The following CSMD1 variants were observed in gnomAD, a reference collection of about 807,000 sequenced individuals.
CSMD1 encodes CUB and sushi domain-containing protein 1.
Under a neutral mutation model 417.5 loss-of-function variants are expected in CSMD1, and 213 were observed. That is an observed-to-expected ratio of 0.51 (90% CI 0.46 to 0.57). CSMD1 has a LOEUF of 0.57. CSMD1 is among the 20% of genes least tolerant of loss of function. CSMD1 has a pLI of 0.00. For synonymous variants in CSMD1, 2,862 were observed against 1,736.8 expected (o/e 1.65, Z -16.11); for missense variants, 6,923 against 4,529.7 (o/e 1.53, Z -15.17).
chr8:3,754,510 A>G (rs1013849941), intron 5 of CSMD1, among the ~76,000 whole-genome samples: 5 of 152,046 alleles, frequency 3.3e-5, no homozygotes, highest in African/African-American at 9.7e-5. Context: ...GCTGGAGGGC[A>G]GTGGTGCGAT....
rs1816433511 is a variant in CSMD1, at chr8:3,110,408, C to A, written c.6431-73G>T. ...AGAGTAGAAAGCTAAATATTTGACT[C>A]CAAAGTACCTTAGCCAACATTTTTC... On this transcript the variant is annotated intron_variant, in intron 42 of 69. Coordinates refer to ENST00000635120, the MANE Select transcript of CSMD1 (RefSeq NM_033225.6). 3.9e-6 allele frequency: 5 copies of A among 1,272,192 alleles called. No individual in the cohort carries two copies. In the East Asian group the frequency reaches 8.1e-5, roughly 21 times the overall value. The allele number at this position is 1,272,192 out of a possible 1,614,324, so 78.8% of individuals were successfully genotyped here. A position where few individuals can be genotyped will look rare whatever the true frequency, so the allele number is the denominator to read the frequency against.
chr8:4,219,464 A>T (rs1483647318), intron 3 of CSMD1, among the ~76,000 whole-genome samples: 2 of 152,140 alleles, frequency 1.3e-5, no homozygotes, highest in Non-Finnish European at 2.9e-5. Flanking sequence ...CTCTCTCTTG[A>T]ACTCTAGTCC....
intron 1 of CSMD1, among the ~76,000 whole-genome samples, chr8:4,757,340 G>A (rs1811730288): frequency 6.6e-6 from 1 of 152,144 alleles, no homozygotes; most frequent in Non-Finnish European, 1.5e-5. Context: ...TTTCTCCTGT[G>A]TGCTAGCTAG....
At chr8:3,318,252 A>G (rs1805910745) in intron 23 of CSMD1, among the ~76,000 whole-genome samples, 1 of 152,182 alleles carries the variant, frequency 6.6e-6, no homozygotes, top group Non-Finnish European at 1.5e-5. Context: ...CTTTTGTTCC[A>G]ATTTTTTAAT....
intron 1 of CSMD1, among the ~76,000 whole-genome samples, chr8:4,756,730 G>A (rs1280840141): frequency 6.6e-6 from 1 of 152,180 alleles, no homozygotes; most frequent in Non-Finnish European, 1.5e-5. Context: ...TGGAGTTACA[G>A]GAAACAGGTA....
chr8:3,153,257 G>T (rs75128324), intron 39 of CSMD1, among the ~76,000 whole-genome samples: 3 of 152,120 alleles, frequency 2.0e-5, no homozygotes, highest in Non-Finnish European at 2.9e-5. Flanking sequence ...ACCCTCTATG[G>T]TCTAAAAAGG....
chr8:4,571,726 G>C (rs552931376), intron 2 of CSMD1, among the ~76,000 whole-genome samples: 2 of 152,118 alleles, frequency 1.3e-5, no homozygotes, highest in Non-Finnish European at 2.9e-5. Context: ...TTGACAGTGG[G>C]TGTTAAACTC....
chr8:4,968,713 G>A (rs1428207188), intron 1 of CSMD1, among the ~76,000 whole-genome samples: 1 of 152,082 alleles, frequency 6.6e-6, no homozygotes, highest in Non-Finnish European at 1.5e-5. Context: ...ACCAGTGGCA[G>A]CAGATAAACG....
intron 11 of CSMD1, among the ~76,000 whole-genome samples, chr8:3,469,849 C>A (rs1816984817): frequency 1.3e-5 from 2 of 152,202 alleles, no homozygotes; most frequent in South Asian, 4.1e-4. Flanking sequence ...GAAACTATTT[C>A]TGTGAATGCT....
At chr8:4,899,087 G>A (rs7816996) in intron 1 of CSMD1, among the ~76,000 whole-genome samples, 52,436 of 152,072 alleles carry the variant, frequency 0.34, 10,274 homozygotes, top group African/African-American at 0.54. Flanking sequence ...TGATTTAAGT[G>A]TGATCTGTTA....
chr8:3,613,154 A>T (rs2117147660), intron 8 of CSMD1: 1 of 175,180 alleles, frequency 5.7e-6, no homozygotes, highest in African/African-American at 2.4e-5. Flanking sequence ...AACAAATTTG[A>T]CAACTTAGAT....
chr8:4,179,898 G>T (rs574142433), intron 3 of CSMD1, among the ~76,000 whole-genome samples: 2 of 152,162 alleles, frequency 1.3e-5, no homozygotes, highest in South Asian at 2.1e-4. Flanking sequence ...ACACCAGTTA[G>T]AATGGCGATC....
intron 3 of CSMD1, among the ~76,000 whole-genome samples, chr8:4,085,554 C>G (rs1365738071): frequency 6.6e-6 from 1 of 152,068 alleles, no homozygotes; most frequent in Non-Finnish European, 1.5e-5. Context: ...ATAAGCTGGA[C>G]AAGCCTAGGA....
chr8:4,066,007 C>T (rs112795084), intron 3 of CSMD1, among the ~76,000 whole-genome samples: 5 of 152,186 alleles, frequency 3.3e-5, no homozygotes, highest in African/African-American at 7.2e-5. Context: ...CCCTTCTCCA[C>T]GAATATCCTT....
At chr8:4,966,064 CGAATT>C (rs1179007029) in intron 1 of CSMD1, among the ~76,000 whole-genome samples, 1 of 151,810 alleles carries the variant, frequency 6.6e-6, no homozygotes, top group African/African-American at 2.4e-5. Context: ...TACCAATACT[CGAATT>C]GAAAGAGTTC....
chr8:4,138,774 A>C (rs1251078004), intron 3 of CSMD1, among the ~76,000 whole-genome samples: 3 of 152,210 alleles, frequency 2.0e-5, no homozygotes, highest in Non-Finnish European at 4.4e-5. Flanking sequence ...TAATTATCAG[A>C]ATACACTATG....
intron 3 of CSMD1, among the ~76,000 whole-genome samples, chr8:4,059,722 A>G (rs1798873822): frequency 6.6e-6 from 1 of 152,036 alleles, no homozygotes; most frequent in Non-Finnish European, 1.5e-5. Context: ...CGACACCTAC[A>G]CTCTCCCAAG....
At chr8:4,122,666 G>A (rs1225682622) in intron 3 of CSMD1, among the ~76,000 whole-genome samples, 1 of 152,166 alleles carries the variant, frequency 6.6e-6, no homozygotes, top group Non-Finnish European at 1.5e-5. Context: ...GCCAGGAAGG[G>A]CAGACCCTCA....
chr8:4,529,377 T>G (rs367791311), intron 2 of CSMD1, among the ~76,000 whole-genome samples: 4 of 152,224 alleles, frequency 2.6e-5, no homozygotes, highest in African/African-American at 9.6e-5. Flanking sequence ...TGCTCAAATG[T>G]AAATCAATAC....
Sources: gnomAD v4.1 joint callset for allele counts (sites outside exome capture counted in the v4.1 genomes callset) on GRCh38, gnomAD v4.1.1 for gene constraint, MANE v1.5 for transcripts, NCBI Gene and HGNC (gene_info 2026-07-23, HGNC 2026-07-21) for gene names.